CSMD3: variants seen among roughly 807,000 people sequenced by gnomAD.
CSMD3 encodes the protein CUB and Sushi multiple domains 3, also known as CUB and sushi domain-containing protein 3.
A neutral mutation model predicts 435.2 loss-of-function variants in CSMD3; 177 were observed. That is an observed-to-expected ratio of 0.41 (90% confidence interval 0.36 to 0.46). The LOEUF is 0.46. Ranked by LOEUF, CSMD3 falls within the 20% of genes least tolerant of loss-of-function variation. CSMD3 has a pLI of 0.34. For synonymous variants in CSMD3, 1,656 were observed against 1,520.5 expected (o/e 1.09, Z -2.07); for missense variants, 4,265 against 4,504.6 (o/e 0.95, Z 1.52).
chr8:113,024,926 T>A lies in CSMD3; in HGVS notation c.918-5747A>T, dbSNP rs115890701. On this transcript the variant is annotated intron_variant, in intron 5 of 70. Coordinates refer to ENST00000297405, the MANE Select transcript of CSMD3 (RefSeq NM_198123.2). Reference sequence around the variant, plus strand: ...ATCCATTGTCTATCATTCCACGCTCTACCTCCATGTGTAAACATTATTTAG... The same window carrying A: ...ATCCATTGTCTATCATTCCACGCTCAACCTCCATGTGTAAACATTATTTAG... Among the ~76,000 whole-genome samples the A allele has an allele frequency of 6.4e-3, 968 of 152,350 alleles. 8 individuals carry two copies. Among genetic ancestry groups the A allele is most frequent in the African/African-American group, 0.022 (922 of 41,584 alleles).
At chr8:113,355,739 T>C (rs2094219748) in intron 1 of CSMD3, among the ~76,000 whole-genome samples, 1 of 108,920 alleles carries the variant, frequency 9.2e-6, no homozygotes, top group Non-Finnish European at 1.7e-5. Flanking sequence ...TATATATATA[T>C]ATATATATAT....
At chr8:112,592,926 T>C (rs1162249244) in intron 22 of CSMD3, among the ~76,000 whole-genome samples, 3 of 152,084 alleles carry the variant, frequency 2.0e-5, no homozygotes, top group African/African-American at 7.2e-5. Context: ...GTTCATGTAA[T>C]AGGCTGAGAT....
At chr8:112,945,274 G>A (rs999371026) in intron 9 of CSMD3, among the ~76,000 whole-genome samples, 1 of 151,746 alleles carries the variant, frequency 6.6e-6, no homozygotes, top group South Asian at 2.1e-4. Flanking sequence ...CAACACCATA[G>A]TCCAAATCTC....
intron 32 of CSMD3, among the ~76,000 whole-genome samples, chr8:112,469,189 T>A (rs1451404406): frequency 2.0e-5 from 3 of 149,626 alleles, no homozygotes; most frequent in Non-Finnish European, 4.4e-5. Flanking sequence ...AAAAGTAATT[T>A]GGTACCACAT....
intron 6 of CSMD3, among the ~76,000 whole-genome samples, chr8:112,993,295 A>G (rs1399233344): frequency 6.6e-6 from 1 of 151,824 alleles, no homozygotes; most frequent in Non-Finnish European, 1.5e-5. Context: ...GACTGTGAAT[A>G]ATGCTTTTCT....
chr8:112,287,258 T>C lies in CSMD3; in HGVS notation c.9149-12A>G, dbSNP rs2130637944. On this transcript the variant is annotated splice_polypyrimidine_tract_variant and intron_variant, in intron 57 of 70. Coordinates refer to ENST00000297405, the MANE Select transcript of CSMD3 (RefSeq NM_198123.2). ...CCCAGTAGCATCACCTGCAATGCAG[T>C]ACAGTTCAAGTTAACCAATTCCCAT... 1.9e-6 allele frequency: 3 copies of C among 1,613,150 alleles called. No homozygotes were observed. The highest frequency in any genetic ancestry group is 2.5e-6 in the Non-Finnish European group (3 of 1,179,292).
At chr8:112,632,111 C>T (rs958037398) in intron 22 of CSMD3, among the ~76,000 whole-genome samples, 2 of 151,898 alleles carry the variant, frequency 1.3e-5, no homozygotes, top group African/African-American at 4.8e-5. Context: ...TTCAAATGCA[C>T]TTTATTCTTT....
chr8:112,841,954 A>G (rs762885848), intron 11 of CSMD3, among the ~76,000 whole-genome samples: 28 of 151,814 alleles, frequency 1.8e-4, no homozygotes, highest in Admixed American at 1.4e-3. Flanking sequence ...TGATATGTAC[A>G]TTATGTGATT....
intron 7 of CSMD3, among the ~76,000 whole-genome samples, chr8:112,968,335 C>T (rs1298336638): frequency 1.3e-5 from 2 of 151,704 alleles, no homozygotes; most frequent in Admixed American, 1.3e-4. Context: ...TTAAAAGGGA[C>T]AGTGGCAATC....
chr8:112,600,080 G>A (rs1832187902), intron 22 of CSMD3, among the ~76,000 whole-genome samples: 1 of 151,618 alleles, frequency 6.6e-6, no homozygotes, highest in Non-Finnish European at 1.5e-5. Flanking sequence ...TGCTATCTCT[G>A]AGTCAGAACA....
At chr8:112,933,701 T>A (rs937218236) in intron 9 of CSMD3, among the ~76,000 whole-genome samples, 1 of 152,192 alleles carries the variant, frequency 6.6e-6, no homozygotes, top group Non-Finnish European at 1.5e-5. Flanking sequence ...GAACTCTCAT[T>A]ATTTTACATT....
At chr8:112,807,914 A>C (rs2079131597) in intron 12 of CSMD3, among the ~76,000 whole-genome samples, 1 of 152,170 alleles carries the variant, frequency 6.6e-6, no homozygotes, top group Admixed American at 6.5e-5. Context: ...ATTACCTAAT[A>C]AAGTAACCCC....
intron 13 of CSMD3, among the ~76,000 whole-genome samples, chr8:112,709,714 A>G (rs4263796): frequency 0.36 from 54,365 of 151,860 alleles, 10,563 homozygotes; most frequent in African/African-American, 0.51. Context: ...GTTTTAGGCA[A>G]AGTAAATATA....
intron 22 of CSMD3, among the ~76,000 whole-genome samples, chr8:112,590,972 T>G (rs1444226194): frequency 2.0e-5 from 3 of 152,208 alleles, no homozygotes; most frequent in South Asian, 2.1e-4. Context: ...TAGGTAGTAA[T>G]GTTTCCTCTC....
chr8:112,528,969 G>A (rs1825257229), intron 27 of CSMD3, among the ~76,000 whole-genome samples: 2 of 152,036 alleles, frequency 1.3e-5, no homozygotes, highest in Non-Finnish European at 2.9e-5. Context: ...AGAGATGGAA[G>A]CTAGGGGCAA....
At chr8:113,194,380 G>C (rs185618976) in intron 3 of CSMD3, among the ~76,000 whole-genome samples, 1 of 151,216 alleles carries the variant, frequency 6.6e-6, no homozygotes, top group Admixed American at 6.6e-5. Context: ...ACAAATAAGT[G>C]AAGTTAAAAA....
rs1018262471 is a variant in CSMD3 at position 113,266,337 on chromosome 8, A to G, written c.514+12255T>C. On this transcript the variant is annotated intron_variant, in intron 3 of 70. Coordinates refer to ENST00000297405, the MANE Select transcript of CSMD3 (RefSeq NM_198123.2). ...ACAAAGATTATATAAGTCATGCATA[A>G]TATTTGCAAGGGTGTATTTTGCATT... Among the ~76,000 whole-genome samples the G allele has an allele frequency of 4.0e-5, 6 of 151,472 alleles. No homozygotes were observed. The South Asian group carries it at 8.3e-4, about 21-fold the overall frequency.
intron 1 of CSMD3, among the ~76,000 whole-genome samples, chr8:113,375,670 C>T (rs1195397566): frequency 1.3e-5 from 2 of 152,078 alleles, no homozygotes; most frequent in Non-Finnish European, 2.9e-5. Flanking sequence ...GAACAATTTG[C>T]TAATTGCTGA....
intron 3 of CSMD3, among the ~76,000 whole-genome samples, chr8:113,267,214 G>A (rs2093478961): frequency 6.6e-6 from 1 of 151,460 alleles, no homozygotes; most frequent in Admixed American, 6.6e-5. Flanking sequence ...ACTAAAAATA[G>A]AATTACCATT....
Sources: gnomAD v4.1 joint callset for allele counts (sites outside exome capture counted in the v4.1 genomes callset) on GRCh38, gnomAD v4.1.1 for gene constraint, MANE v1.5 for transcripts, NCBI Gene and HGNC (gene_info 2026-07-23, HGNC 2026-07-21) for gene names.